Variants in TNFSF4 observed in about 807,000 individuals in gnomAD.
TNFSF4 encodes tumor necrosis factor ligand superfamily member 4.
TNFSF4 carries 4 observed loss-of-function variants against 7.3 expected under a neutral mutation model. The ratio of observed to expected loss-of-function variants is 0.55; its 90% confidence interval spans 0.27 to 1.25. TNFSF4 has a LOEUF of 1.25. TNFSF4 is among the 50% of genes most tolerant of loss of function. The pLI is 0.12. For synonymous variants in TNFSF4, 76 were observed against 83.7 expected, an observed-to-expected ratio of 0.91 and a Z score of 0.50; for missense variants, 181 against 208.8, an observed-to-expected ratio of 0.87 and a Z score of 0.82.
chr1:173,273,986 G>A, the TNFSF4 span, among the ~76,000 whole-genome samples: 404 of 152,006 alleles, frequency 2.7e-3, 1 homozygote, highest in Non-Finnish European at 4.5e-3. Flanking sequence ...ATTACTTATA[G>A]CAAGTGAAAT....
chr1:173,253,349 G>A, the TNFSF4 span, among the ~76,000 whole-genome samples: 1 of 152,222 alleles, frequency 6.6e-6, no homozygotes, highest in Non-Finnish European at 1.5e-5. Context: ...TGGCAAAGAA[G>A]AAAGCCGGCA....
the TNFSF4 span, among the ~76,000 whole-genome samples, chr1:173,425,076 C>T: frequency 6.6e-6 from 1 of 152,218 alleles, no homozygotes; most frequent in Non-Finnish European, 1.5e-5. Flanking sequence ...TCCACCCAGC[C>T]ACATATGACC....
chr1:173,179,484 C>A (rs1649013570), downstream of TNFSF4, among the ~76,000 whole-genome samples: 1 of 152,190 alleles, frequency 6.6e-6, no homozygotes, highest in Admixed American at 6.5e-5. Context: ...CCACATTTCA[C>A]CCCTTGTCGA....
At chr1:173,174,108 G>A in the TNFSF4 span, among the ~76,000 whole-genome samples, 1 of 152,180 alleles carries the variant, frequency 6.6e-6, no homozygotes, top group Non-Finnish European at 1.5e-5. Context: ...CAAGTTCAAA[G>A]TTCCACAGAT....
rs536670952 is a variant in TNFSF4, at chr1:173,191,709, T to G, written c.154-3140A>C. Among the ~76,000 whole-genome samples, 116 of 152,384 alleles carry G rather than the reference T, an allele frequency of 7.6e-4. 1 individual carries two copies. The South Asian group carries it at 0.024, about 31-fold the overall frequency. On this transcript the variant is annotated intron_variant, in intron 1 of 2. Coordinates refer to ENST00000281834, the MANE Select transcript of TNFSF4 (RefSeq NM_003326.5). ...AGTCAGATTTAGTTCAAACTGTGAC[T>G]TCTCTGGTTCTTTGAATTTGGAAAA... is the stretch of plus-strand genomic sequence containing the variant.
At chr1:173,287,146 G>A in the TNFSF4 span, among the ~76,000 whole-genome samples, 13 of 151,984 alleles carry the variant, frequency 8.6e-5, no homozygotes, top group African/African-American at 2.7e-4. Flanking sequence ...AGCCAGATCC[G>A]ATGCCCCCTG....
the TNFSF4 span, among the ~76,000 whole-genome samples, chr1:173,332,436 C>A: frequency 6.6e-6 from 1 of 152,192 alleles, no homozygotes; most frequent in South Asian, 2.1e-4. Context: ...GAGGCTGAGG[C>A]AGGAGAATTG....
At chr1:173,314,296 G>A in the TNFSF4 span, among the ~76,000 whole-genome samples, 1 of 151,998 alleles carries the variant, frequency 6.6e-6, no homozygotes, top group Admixed American at 6.6e-5. Flanking sequence ...TATAATCACG[G>A]TAAAAATTCT....
At chr1:173,174,314 CT>C in the TNFSF4 span, 1 of 152,216 alleles carries the variant, frequency 6.6e-6, no homozygotes, top group Admixed American at 6.5e-5. Context: ...ATTTTCCTGT[CT>C]TCTGAGCCCT....
the TNFSF4 span, among the ~76,000 whole-genome samples, chr1:173,357,188 T>C: frequency 2.0e-5 from 3 of 152,330 alleles, no homozygotes; most frequent in South Asian, 2.1e-4. Context: ...TAGGAGCCTA[T>C]GTTGTTTTAA....
the TNFSF4 span, among the ~76,000 whole-genome samples, chr1:173,318,256 T>G: frequency 1.6e-4 from 24 of 152,294 alleles, no homozygotes; most frequent in Middle Eastern, 6.8e-3. Context: ...CTGACTAACA[T>G]GGTGAAACAC....
At chr1:173,252,849 A>G in the TNFSF4 span, among the ~76,000 whole-genome samples, 1 of 152,224 alleles carries the variant, frequency 6.6e-6, no homozygotes, top group Non-Finnish European at 1.5e-5. Context: ...ATTTCTGGTG[A>G]AAATTATACT....
the TNFSF4 span, among the ~76,000 whole-genome samples, chr1:173,280,274 T>G: frequency 1.3e-5 from 2 of 152,128 alleles, no homozygotes; most frequent in Non-Finnish European, 2.9e-5. Context: ...CCACTCCTGT[T>G]TGTACCATTT....
the TNFSF4 span, among the ~76,000 whole-genome samples, chr1:173,404,834 G>A: frequency 6.6e-6 from 1 of 151,978 alleles, no homozygotes; most frequent in African/African-American, 2.4e-5. Flanking sequence ...GTTTCACCAT[G>A]TTGGCCAAGC....
At chr1:173,179,450 C>T (rs1649013249), downstream of TNFSF4, among the ~76,000 whole-genome samples, 1 of 152,146 alleles carries the variant, frequency 6.6e-6, no homozygotes, top group South Asian at 2.1e-4. Context: ...TCTAGCTTGG[C>T]TAACTTGTGT....
chr1:173,175,489 T>C, the TNFSF4 span: 1 of 152,332 alleles, frequency 6.6e-6, no homozygotes, highest in East Asian at 1.9e-4. Context: ...TATTATCCAT[T>C]CCTTGATTTT....
At chr1:173,268,249 C>T in the TNFSF4 span, among the ~76,000 whole-genome samples, 3 of 152,086 alleles carry the variant, frequency 2.0e-5, no homozygotes, top group Non-Finnish European at 4.4e-5. Flanking sequence ...AAAACAGCAG[C>T]AAATATAATA....
the TNFSF4 span, among the ~76,000 whole-genome samples, chr1:173,331,121 G>A: frequency 6.6e-6 from 1 of 152,016 alleles, no homozygotes; most frequent in Non-Finnish European, 1.5e-5. Flanking sequence ...CTGACCTCAG[G>A]TGATCCACCC....
the TNFSF4 span, among the ~76,000 whole-genome samples, chr1:173,380,605 CCT>C: frequency 6.6e-6 from 1 of 152,090 alleles, no homozygotes; most frequent in Non-Finnish European, 1.5e-5. Context: ...ACCATTCACC[CCT>C]GGGACACCCT....
Sources: allele counts gnomAD v4.1 joint callset (sites outside exome capture counted in the v4.1 genomes callset), GRCh38; gene constraint gnomAD v4.1.1; transcripts MANE v1.5; gene names NCBI Gene and HGNC (gene_info 2026-07-23, HGNC 2026-07-21).